FNBP4: variants seen among roughly 807,000 people sequenced by gnomAD.
FNBP4 encodes the protein formin-binding protein 4.
Under a neutral mutation model 119.3 loss-of-function variants are expected in FNBP4, and 34 were observed. That is an observed-to-expected ratio of 0.28 (90% confidence interval 0.22 to 0.38). The LOEUF (loss-of-function observed/expected upper bound fraction) is 0.38. Among genes scored for constraint, FNBP4 ranks in the 10% least tolerant of loss-of-function variants. The probability of loss-of-function intolerance (pLI) is 1.00; values close to 1 mark genes in which losing one functional copy is unlikely to be tolerated. For synonymous variants in FNBP4, 462 were observed against 430.6 expected, an observed-to-expected ratio of 1.07 and a Z score of -0.90; for missense variants, 1,112 against 1,228.9, an observed-to-expected ratio of 0.90 and a Z score of 1.42.
chr11:47,744,016 G>A lies in FNBP4; in HGVS notation c.1393C>T (p.Pro465Ser). 1.2e-6 allele frequency: 2 copies of A among 1,614,058 alleles called. No homozygotes were observed. Among genetic ancestry groups the A allele is most frequent in the South Asian group, 1.1e-5 (1 of 91,072 alleles). ...CTAGAACTCCTACTGGTAGATTCTG[G>A]ACTGGTAGCTCGAACAAACATCTTC... is the stretch of plus-strand genomic sequence containing the variant. ...KWKMFVRATSPESTSRSSSKT... is the reference protein window; with the variant it reads ...KWKMFVRATSSESTSRSSSKT... Residue 465 changes from proline (P) to serine (S), a missense_variant, in exon 8 of 17, where the codon CCA becomes TCA. This residue lies in a region of FNBP4 where 826 missense variants were observed against 988.8 expected (regional missense o/e 0.84). Transcript: ENST00000263773.
chr11:47,749,178 G>A (rs2097596764), intron 6 of FNBP4, among the ~76,000 whole-genome samples: 1 of 152,232 alleles, frequency 6.6e-6, no homozygotes, highest in South Asian at 2.1e-4. Context: ...GCAGTCTGAG[G>A]CAGGACTGCT....
chr11:47,758,882 G>A (rs975003243), intron 2 of FNBP4, among the ~76,000 whole-genome samples: 1 of 151,500 alleles, frequency 6.6e-6, no homozygotes, highest in Non-Finnish European at 1.5e-5. Flanking sequence ...GGAAAAGAGA[G>A]AGAAATTTGC....
In FNBP4 at chr11:47,724,718, G is replaced by A; in HGVS notation, c.2069C>T (p.Thr690Ile). Residue 690 changes from threonine to isoleucine, a missense_variant, in exon 13 of 17, where the codon ACT becomes ATT. Transcript: ENST00000263773. ...TGACTGAAGGAGGGTCCAGAATGGA[G>A]TAAGTGGCATGAGTGATGAAGAAGA... is the stretch of plus-strand genomic sequence containing the variant. ...QVSSSSLMPL[T>I]PFWTLLQSNV... is the part of the protein sequence containing the mutation. 5 of 1,608,422 alleles carry A rather than the reference G, an allele frequency of 3.1e-6. No homozygotes were observed. Among genetic ancestry groups the A allele is most frequent in the Middle Eastern group, 1.7e-4 (1 of 6,026 alleles).
chr11:47,723,077 T>C lies in FNBP4; in HGVS notation c.2704A>G (p.Ile902Val), dbSNP rs747400773. 7.5e-6 allele frequency: 12 copies of C among 1,610,690 alleles called. No homozygotes were observed. The highest frequency in any genetic ancestry group is 1.0e-5 in the Non-Finnish European group (12 of 1,178,450). ...GGAGGTGGTGGTGGTGGTTCTATAA[T>C]GGTAGCGGTAGGCACAGCACCTCGG... ...QARGAVPTAT[I>V]IEPPPPPPPP... Residue 902 changes from isoleucine to valine, a missense_variant, in exon 15 of 17, where the codon ATT (isoleucine) becomes GTT (valine). Ile to Val is a conservative substitution (Grantham distance 29). Around this residue, in one of 2 missense-constraint regions of FNBP4, gnomAD observed 826 missense variants for 988.8 expected, o/e 0.84. Transcript: ENST00000263773.
In FNBP4 at chr11:47,767,341, T is replaced by G; in HGVS notation, c.-53A>C. 1 of 1,415,634 alleles carries G rather than the reference T, an allele frequency of 7.1e-7. No individual in the cohort carries two copies. Among genetic ancestry groups the G allele is most frequent in the Non-Finnish European group, 9.2e-7 (1 of 1,088,002 alleles). The allele number at this position is 1,415,634 out of a possible 1,614,324, so 87.7% of individuals were successfully genotyped here. A position where few individuals can be genotyped will look rare whatever the true frequency, so the allele number is the denominator to read the frequency against. ...TCGGGCGGCCGAGAGGGGCGGGCAC[T>G]GGAGGCTGGGCGCTGGGCCCTGGGC... On this transcript the variant is annotated 5_prime_UTR_variant, in exon 1 of 17. Transcript: ENST00000263773.
intron 10 of FNBP4, among the ~76,000 whole-genome samples, chr11:47,733,423 C>T (rs1488391440): frequency 2.6e-5 from 4 of 152,138 alleles, no homozygotes. Context: ...GCAACCTTCA[C>T]CTCCTGGGTT....
In FNBP4 at chr11:47,722,980, T is replaced by C. The variant is rs763847558; in HGVS notation, c.2801A>G (p.Asp934Gly). The C allele has an allele frequency of 1.3e-6, 2 of 1,529,306 alleles. No individual in the cohort carries two copies. The highest frequency in any genetic ancestry group is 1.2e-5 in the South Asian group (1 of 80,686). 94.7% of individuals were successfully genotyped at this position (1,529,306 alleles called of 1,614,324 possible). The change falls in exon 15 of 17, where the codon GAC becomes GGC. Residue 934 changes from aspartate to glycine, a missense_variant. Asp to Gly is a moderately conservative substitution (Grantham distance 94). Around this residue, in one of 2 missense-constraint regions of FNBP4, gnomAD observed 826 missense variants for 988.8 expected, o/e 0.84. Coordinates refer to ENST00000263773, the MANE Select transcript of FNBP4 (RefSeq NM_015308.5). ...AAAAAGGGAAATTTATTATACCTTG[T>C]CTTTCCTTCCTTTTTTTGTCTTTTC... The part of the protein sequence containing the change: ...PPEKTKKGRK[D>G]KAKKSKTKMP...
intron 15 of FNBP4, among the ~76,000 whole-genome samples, chr11:47,721,726 CCTTTT>C (rs1227395356): frequency 6.6e-6 from 1 of 151,608 alleles, no homozygotes; most frequent in African/African-American, 2.4e-5. Context: ...ATTTTTTGCC[CCTTTT>C]CTTGAGACTC....
chr11:47,759,677 G>C (rs915296286), intron 2 of FNBP4, among the ~76,000 whole-genome samples: 2 of 152,106 alleles, frequency 1.3e-5, no homozygotes, highest in Non-Finnish European at 2.9e-5. Context: ...TACTGGCCGG[G>C]CACGGTGGCT....
rs147925767 is a variant in FNBP4 at position 47,718,508 on chromosome 11, G to A, written c.2964-996C>T. ...ATTACAGATGTGAGCCCCTGTGCCCGGCCGGATCTAATGTTTTTGAGTTTC... is the reference window on the plus strand; with the variant it reads ...ATTACAGATGTGAGCCCCTGTGCCCAGCCGGATCTAATGTTTTTGAGTTTC... On this transcript the variant is annotated intron_variant, in intron 16 of 16. Coordinates refer to ENST00000263773, the MANE Select transcript of FNBP4 (RefSeq NM_015308.5). Among the ~76,000 whole-genome samples, 140 of 152,158 alleles carry A rather than the reference G, an allele frequency of 9.2e-4. No individual in the cohort carries two copies. In the East Asian group the frequency reaches 0.011, roughly 12 times the overall value.
intron 8 of FNBP4, among the ~76,000 whole-genome samples, chr11:47,742,858 C>G (rs1269466935): frequency 6.6e-6 from 1 of 151,894 alleles, no homozygotes; most frequent in Admixed American, 6.6e-5. Context: ...CCATTGCACT[C>G]CAGCCTGGGC....
Position 47,736,359 on chromosome 11 carries a change from C to T in FNBP4, c.1581+257G>A, listed in dbSNP as rs142164816. ...ATCATGAACGCCAGGAGTTCGAGAC[C>T]GGCCTGGCCAACATGGTGAAACCCC... On this transcript the variant is annotated intron_variant, in intron 9 of 16. Coordinates refer to ENST00000263773, the MANE Select transcript of FNBP4 (RefSeq NM_015308.5). Among the ~76,000 whole-genome samples the T allele has an allele frequency of 9.1e-4, 138 of 152,166 alleles. 1 individual carries two copies. The highest frequency in any genetic ancestry group is 3.3e-3 in the East Asian group (17 of 5,168).
chr11:47,727,901 T>A (rs942820871), intron 12 of FNBP4, among the ~76,000 whole-genome samples: 4 of 152,188 alleles, frequency 2.6e-5, no homozygotes, highest in African/African-American at 9.7e-5. Context: ...TTTTTTTAGA[T>A]GGACTCTTGC....
intron 12 of FNBP4, chr11:47,730,170 G>A: frequency 1.0e-6 from 1 of 985,342 alleles, no homozygotes; most frequent in South Asian, 4.7e-5. Context: ...CTACGATCAA[G>A]CCTCTTCAGT....
chr11:47,717,434 A>G lies in FNBP4; in HGVS notation c.3042T>C (p.Ala1014=), dbSNP rs776655282. 30 of 1,610,966 alleles carry G rather than the reference A, an allele frequency of 1.9e-5. No homozygotes were observed. The highest frequency in any genetic ancestry group is 2.5e-5 in the Non-Finnish European group (29 of 1,178,802). The change falls in exon 17 of 17, where the codon GCT becomes GCC. Residue 1014 remains alanine, a synonymous_variant. Coordinates refer to ENST00000263773, the MANE Select transcript of FNBP4 (RefSeq NM_015308.5). The part of the protein sequence containing the change: ...WRARLKRRKM[A]PNT ...AAAAACTTAAAAACTATGTGTTTGG[A>G]GCCATTTTCCTTCTCTTCAGCCTTG...
chr11:47,764,096 A>G (rs2097641740), intron 2 of FNBP4, among the ~76,000 whole-genome samples: 1 of 152,064 alleles, frequency 6.6e-6, no homozygotes, highest in Admixed American at 6.6e-5. Context: ...TTTCTCCTAG[A>G]AACATTTAAA....
In FNBP4 at chr11:47,752,884, C is replaced by T. The variant is rs78713746; in HGVS notation, c.637+32G>A. 1,621 of 1,571,536 alleles carry T rather than the reference C, an allele frequency of 1.0e-3. 14 individuals carry two copies. In the African/African-American group the frequency reaches 0.02, roughly 19 times the overall value. On this transcript the variant is annotated intron_variant, in intron 4 of 16. Coordinates refer to ENST00000263773, the MANE Select transcript of FNBP4 (RefSeq NM_015308.5). ...GCCTAGAATCCCTTTAAGGATTTTA[C>T]TTTTCTTTAAAAATCAAAGGATCAA...
At chr11:47,736,051 C>T (rs2097573528) in intron 9 of FNBP4, among the ~76,000 whole-genome samples, 2 of 149,192 alleles carry the variant, frequency 1.3e-5, no homozygotes, top group African/African-American at 4.9e-5. Context: ...GCACTCCAGC[C>T]TGGGAAACAG....
In FNBP4 at chr11:47,751,227, CAAT is replaced by C. The variant is rs768250322; in HGVS notation, c.698_700del (p.Tyr233del). On this transcript the variant is annotated inframe_deletion, in exon 5 of 17. Coordinates refer to ENST00000263773, the MANE Select transcript of FNBP4 (RefSeq NM_015308.5). ...AGTCACTTCATTTGTTTGTGTATTC[CAAT>C]AATAATAACATCCCGTGTTCTCATC... 2 of 1,614,028 alleles carry C rather than the reference CAAT, an allele frequency of 1.2e-6. No homozygotes were observed. Among genetic ancestry groups the C allele is most frequent in the Non-Finnish European group, 8.5e-7 (1 of 1,180,008 alleles).
Sources: gnomAD v4.1 joint callset for allele counts (sites outside exome capture counted in the v4.1 genomes callset) on GRCh38, gnomAD v4.1.1 for gene constraint, gnomAD v4.1.1 regional missense constraint, MANE v1.5 for transcripts, NCBI Gene and HGNC (gene_info 2026-07-23, HGNC 2026-07-21) for gene names.